GNAO1: variants seen among roughly 807,000 people sequenced by gnomAD.
GNAO1 encodes guanine nucleotide-binding protein G(o) subunit alpha.
For missense variants in GNAO1, 166 were observed against 478.7 expected (o/e 0.35, Z 6.10); for synonymous variants, 164 against 180.7 (o/e 0.91, Z 0.74).
intron 3 of GNAO1, among the ~76,000 whole-genome samples, chr16:56,278,407 C>A (rs1281216432): frequency 6.6e-6 from 1 of 152,200 alleles, no homozygotes; most frequent in Non-Finnish European, 1.5e-5. Flanking sequence ...GGAGTGAACC[C>A]GAGACCCAGG....
chr16:56,339,526 C>T lies in GNAO1; in HGVS notation c.723+2666C>T, dbSNP rs1486065143. ...GTCCTCAGCCATCCTCTCTGGTCAG[C>T]GCTGTGCATCCCTCTCTGGCCTGGG... On this transcript the variant is annotated intron_variant, in intron 6 of 8. Transcript: ENST00000262493. 3.3e-5 allele frequency among the ~76,000 whole-genome samples: 5 copies of T among 152,252 alleles called. No individual in the cohort carries two copies. In the South Asian group the frequency reaches 1.0e-3, roughly 32 times the overall value.
chr16:56,313,808 A>G (rs1337474935), intron 3 of GNAO1, among the ~76,000 whole-genome samples: 2 of 152,126 alleles, frequency 1.3e-5, no homozygotes, highest in Non-Finnish European at 2.9e-5. Context: ...CTCCAGCCTC[A>G]ACCTCTGGGC....
rs1596881984 is a variant in GNAO1, at chr16:56,351,801, G to A, written c.877+264G>A. 4.7e-6 allele frequency: 2 copies of A among 429,782 alleles called. No individual in the cohort carries two copies. The highest frequency in any genetic ancestry group is 8.3e-5 in the East Asian group (2 of 24,010). 26.6% of individuals were successfully genotyped at this position (429,782 alleles called of 1,614,324 possible). On this transcript the variant is annotated intron_variant, in intron 7 of 8. Coordinates refer to ENST00000262493, the MANE Select transcript of GNAO1 (RefSeq NM_020988.3). This position sits in a 1 kb window ranked among gnomAD's most constrained non-coding sequence, Gnocchi z 6.1. ...ACTCAGGAGTGGTGGGGAGCAGGGG[G>A]CAGGACAGGATCACAGGCTTCCCCC...
intron 3 of GNAO1, among the ~76,000 whole-genome samples, chr16:56,298,167 G>A (rs1444561837): frequency 2.6e-5 from 4 of 152,190 alleles, no homozygotes; most frequent in African/African-American, 9.7e-5. Flanking sequence ...GCGAGACCCT[G>A]TCTCAAAAAA....
chr16:56,197,349 C>T (rs2036242437), intron 2 of GNAO1, among the ~76,000 whole-genome samples: 1 of 152,212 alleles, frequency 6.6e-6, no homozygotes. Context: ...AATGGATGCA[C>T]CTTGCTCTCT....
intron 2 of GNAO1, among the ~76,000 whole-genome samples, chr16:56,205,305 G>T (rs1027535156): frequency 2.0e-5 from 3 of 152,236 alleles, no homozygotes; most frequent in Non-Finnish European, 2.9e-5. Flanking sequence ...CACGTGGAAA[G>T]AAAAAGGAAG....
In GNAO1 at chr16:56,217,516, A is replaced by G. The variant is rs150517089; in HGVS notation, c.161+24900A>G. Among the ~76,000 whole-genome samples the G allele has an allele frequency of 8.7e-3, 1,321 of 152,352 alleles. 12 individuals are homozygous for G. The highest frequency in any genetic ancestry group is 0.014 in the Non-Finnish European group (940 of 68,030). On this transcript the variant is annotated intron_variant, in intron 2 of 8. Coordinates refer to ENST00000262493, the MANE Select transcript of GNAO1 (RefSeq NM_020988.3). ...AAGGGGGCAAGAGACCCTTGTTATT[A>G]GAGTCAAGTGTTGACTCTTTCTCCA...
rs1369465734 is a variant in GNAO1, at chr16:56,325,480, T to TTAA, written c.304-3134_304-3132dup. ...AACAAGAGCAAAACTCCATCTCAAA[T>TTAA]TAATAATAATAATAATAATGCACAC... On this transcript the variant is annotated intron_variant, in intron 3 of 8. Transcript: ENST00000262493. 1.1e-3 allele frequency among the ~76,000 whole-genome samples: 172 copies of TTAA among 152,056 alleles called. 4 individuals are homozygous for TTAA. Among genetic ancestry groups the TTAA allele is most frequent in the Non-Finnish European group, 4.6e-4 (31 of 67,980 alleles).
chr16:56,307,783 C>G (rs2037412443), intron 3 of GNAO1: 1 of 152,294 alleles, frequency 6.6e-6, no homozygotes, highest in South Asian at 2.1e-4. Flanking sequence ...GTCTCACTCT[C>G]TCTCAGCAGA....
At chr16:56,274,168 G>A (rs781599655) in intron 2 of GNAO1, among the ~76,000 whole-genome samples, 7 of 152,270 alleles carry the variant, frequency 4.6e-5, no homozygotes, top group East Asian at 3.9e-4. Flanking sequence ...AAAGGCGGAC[G>A]CCCAGGCCAT....
chr16:56,208,694 CATT>C (rs1311916095), intron 2 of GNAO1, among the ~76,000 whole-genome samples: 1 of 152,130 alleles, frequency 6.6e-6, no homozygotes, highest in African/African-American at 2.4e-5. Flanking sequence ...TAGTAGATCT[CATT>C]GTGGTTTTAC....
At chr16:56,324,261 GT>G (rs1596865154) in intron 3 of GNAO1, among the ~76,000 whole-genome samples, 2 of 152,216 alleles carry the variant, frequency 1.3e-5, no homozygotes, top group East Asian at 3.9e-4. Context: ...ACCGTCTTGA[GT>G]GTCCTCCTAC....
intron 2 of GNAO1, among the ~76,000 whole-genome samples, chr16:56,271,825 CTT>C (rs1261170807): frequency 6.6e-6 from 1 of 152,178 alleles, no homozygotes; most frequent in Non-Finnish European, 1.5e-5. Flanking sequence ...CCTCCCAACT[CTT>C]TTGCTTATGA....
intron 3 of GNAO1, among the ~76,000 whole-genome samples, chr16:56,323,962 C>G (rs2037603201): frequency 6.6e-6 from 1 of 152,042 alleles, no homozygotes; most frequent in Non-Finnish European, 1.5e-5. Context: ...TCAAGCAGGT[C>G]TCCTGGTCTT....
At chr16:56,242,489 A>G (rs984048708) in intron 2 of GNAO1, among the ~76,000 whole-genome samples, 1 of 152,242 alleles carries the variant, frequency 6.6e-6, no homozygotes, top group East Asian at 1.9e-4. Context: ...TCAATGGAGT[A>G]GAATTGAGAG....
chr16:56,331,613 C>T (rs994049913), intron 4 of GNAO1, among the ~76,000 whole-genome samples: 6 of 152,156 alleles, frequency 3.9e-5, no homozygotes, highest in African/African-American at 7.2e-5. Context: ...CAGACTCCCT[C>T]GATGCCTCCT....
In GNAO1 at chr16:56,351,773, G is replaced by A; in HGVS notation, c.877+236G>A. On this transcript the variant is annotated intron_variant, in intron 7 of 8. Coordinates refer to ENST00000262493, the MANE Select transcript of GNAO1 (RefSeq NM_020988.3). The surrounding 1 kb of genome is among the most constrained non-coding windows in gnomAD (Gnocchi z 6.1). ...CCTAAGATATATGTGTTAGGACCAA[G>A]TGACTCAGGAGTGGTGGGGAGCAGG... 1 of 498,934 alleles carries A rather than the reference G, an allele frequency of 2.0e-6. No individual in the cohort carries two copies. Among genetic ancestry groups the A allele is most frequent in the Non-Finnish European group, 3.6e-6 (1 of 276,390 alleles). 30.9% of individuals were successfully genotyped at this position (498,934 alleles called of 1,614,324 possible).
chr16:56,292,690 G>A (rs748544731), intron 3 of GNAO1, among the ~76,000 whole-genome samples: 2 of 152,164 alleles, frequency 1.3e-5, no homozygotes, highest in Admixed American at 6.5e-5. Flanking sequence ...GGAGCTGTTC[G>A]CTGTCTTCCT....
intron 2 of GNAO1, among the ~76,000 whole-genome samples, chr16:56,249,427 T>C (rs1370720262): frequency 1.3e-5 from 2 of 152,106 alleles, no homozygotes; most frequent in African/African-American, 4.8e-5. Context: ...CATCGCACTT[T>C]CCTGGCATTG....
Sources: gnomAD v4.1 joint callset for allele counts (sites outside exome capture counted in the v4.1 genomes callset) on GRCh38, gnomAD v4.1.1 for gene constraint, Gnocchi (gnomAD v3.1) non-coding constraint, MANE v1.5 for transcripts, NCBI Gene and HGNC (gene_info 2026-07-23, HGNC 2026-07-21) for gene names.